The following UBN2 variants were observed in gnomAD, a reference collection of about 807,000 sequenced individuals.
UBN2 encodes ubinuclein 2, also known as ubinuclein-2.
Under a neutral mutation model 120.2 loss-of-function variants are expected in UBN2, and 35 were observed. The ratio of observed to expected loss-of-function variants is 0.29; its 90% CI spans 0.22 to 0.39. UBN2 has a LOEUF of 0.39. Among genes scored for constraint, UBN2 ranks in the 10% least tolerant of loss-of-function variants. UBN2 has a pLI of 1.00. For missense variants in UBN2, 1,693 were observed against 1,663.2 expected (o/e 1.02, Z -0.31); for synonymous variants, 661 against 648.7 (o/e 1.02, Z -0.29).
rs1199206987 is a variant in UBN2, at chr7:139,293,881, CCT to C, written c.3902-4_3902-3del. ...TAAAGATGACTGACAAGTCTGTTTT[CCT>C]CTCAGATTTACTAAAGGGTTTACAG... On this transcript the variant is annotated splice_region_variant and splice_polypyrimidine_tract_variant and intron_variant, in intron 16 of 17. Coordinates refer to ENST00000473989, the MANE Select transcript of UBN2 (RefSeq NM_173569.4). 1 of 1,613,262 alleles carries C rather than the reference CCT, an allele frequency of 6.2e-7. No individual in the cohort carries two copies. The highest frequency in any genetic ancestry group is 8.5e-7 in the Non-Finnish European group (1 of 1,179,282).
rs1324344009 is a variant in UBN2, at chr7:139,307,051, A to C, written c.*9215A>C. 6.6e-6 allele frequency: 1 copy of C among 152,196 alleles called. No homozygotes were observed. Among genetic ancestry groups the C allele is most frequent in the East Asian group, 1.9e-4 (1 of 5,202 alleles). The allele number at this position is 152,196 out of a possible 1,614,324, so 9.4% of individuals were successfully genotyped here. A position where few individuals can be genotyped will look rare whatever the true frequency, so the allele number is the denominator to read the frequency against. On this transcript the variant is annotated 3_prime_UTR_variant, in exon 18 of 18. Coordinates refer to ENST00000473989, the MANE Select transcript of UBN2 (RefSeq NM_173569.4). ...GACTTGTTTGGTAGCCCAAGGAAAA[A>C]CAGGATGTATTTATACAGTGAATGT...
At position 139,272,418 on chromosome 7, in the gene UBN2, C is replaced by T. The variant is rs1355944262; in HGVS notation, c.1693C>T (p.Arg565Cys). 1.9e-6 allele frequency: 3 copies of T among 1,613,008 alleles called. No individual in the cohort carries two copies. Among genetic ancestry groups the T allele is most frequent in the African/African-American group, 2.7e-5 (2 of 74,902 alleles). ...TAAATACCAGGAGGACTGCCAGGCT[C>T]GTAGTCAAGCTAAGTGTGCCAAGTA... ...LFKYQEDCQA[R>C]SQAKCAKLQT... Residue 565 changes from arginine to cysteine, a missense_variant, in exon 9 of 18, where the codon CGT becomes TGT. Physicochemically the swap from Arg to Cys is radical, Grantham distance 180 (BLOSUM62 -3). Around this residue, in one of 5 missense-constraint regions of UBN2, gnomAD observed 178 missense variants for 204.0 expected, o/e 0.87. Transcript: ENST00000473989.
chr7:139,252,534 A>G (rs1368545327), intron 3 of UBN2, among the ~76,000 whole-genome samples: 1 of 152,084 alleles, frequency 6.6e-6, no homozygotes, highest in Non-Finnish European at 1.5e-5. Flanking sequence ...TTTTTTTCCA[A>G]TAATTTTTAA....
At chr7:139,272,549 C>T (rs1296366288) in intron 9 of UBN2, 109 bp downstream of exon 9, 4 of 719,714 alleles carry the variant, frequency 5.6e-6, no homozygotes, top group African/African-American at 4.9e-5. Flanking sequence ...TATTTTGAGA[C>T]GGAATCTCAG....
chr7:139,244,458 G>T (rs183924189), intron 2 of UBN2, among the ~76,000 whole-genome samples: 1 of 152,100 alleles, frequency 6.6e-6, no homozygotes, highest in Non-Finnish European at 1.5e-5. Context: ...AATGTCTTGA[G>T]CCTAGGAGTT....
intron 2 of UBN2, 90 bp from the exon 3 acceptor site, chr7:139,251,864 CAA>C: frequency 7.9e-7 from 1 of 1,269,344 alleles, no homozygotes; most frequent in South Asian, 1.2e-5. Flanking sequence ...GGACTATCTG[CAA>C]AAATTATTTG....
chr7:139,241,681 C>G (rs1796322335), intron 2 of UBN2, among the ~76,000 whole-genome samples: 1 of 151,944 alleles, frequency 6.6e-6, no homozygotes, highest in Non-Finnish European at 1.5e-5. Context: ...TTTCTTGAGA[C>G]CCTGTCTCTA....
intron 2 of UBN2, among the ~76,000 whole-genome samples, chr7:139,238,650 G>A (rs1173592863): frequency 6.6e-6 from 1 of 152,168 alleles, no homozygotes; most frequent in Non-Finnish European, 1.5e-5. Flanking sequence ...TCGAACTCCT[G>A]ACCTCAACTG....
intron 2 of UBN2, among the ~76,000 whole-genome samples, chr7:139,244,153 G>A (rs1796397468): frequency 6.6e-6 from 1 of 152,066 alleles, no homozygotes. Flanking sequence ...TGTGTATGTG[G>A]GCAGTCACAT....
At position 139,305,745 on chromosome 7, in the gene UBN2, G is replaced by A. The variant is rs1030515384; in HGVS notation, c.*7909G>A. 6.6e-6 allele frequency: 1 copy of A among 152,038 alleles called. No individual in the cohort carries two copies. Among genetic ancestry groups the A allele is most frequent in the Non-Finnish European group, 1.5e-5 (1 of 67,988 alleles). 9.4% of individuals were successfully genotyped at this position (152,038 alleles called of 1,614,324 possible). ...ATCAGTGGTCATCACTGGGACTAGA[G>A]GTGTTCTTTTTTTTCCTCTTCTCCT... On this transcript the variant is annotated 3_prime_UTR_variant, in exon 18 of 18. Coordinates refer to ENST00000473989, the MANE Select transcript of UBN2 (RefSeq NM_173569.4).
chr7:139,265,361 C>G (rs1361604421), intron 6 of UBN2, among the ~76,000 whole-genome samples: 1 of 151,980 alleles, frequency 6.6e-6, no homozygotes, highest in East Asian at 1.9e-4. Flanking sequence ...ACCTGTAGTC[C>G]CAGCTACTTG....
At chr7:139,297,541 TC>T (rs1186751276) in intron 17 of UBN2, among the ~76,000 whole-genome samples, 1 of 152,206 alleles carries the variant, frequency 6.6e-6, no homozygotes, top group Non-Finnish European at 1.5e-5. Context: ...CTTGTTGAAA[TC>T]ATATTTAAAA....
Position 139,298,370 on chromosome 7 carries a change from C to T in UBN2, c.*534C>T, listed in dbSNP as rs916688201. ...TCCGATAGACAGTAGCTGCATAGCA[C>T]ACCCTCGAAAATCCTGAACAAACTT... On this transcript the variant is annotated 3_prime_UTR_variant, in exon 18 of 18. Transcript: ENST00000473989. 6.5e-6 allele frequency: 1 copy of T among 152,734 alleles called. No individual in the cohort carries two copies. The highest frequency in any genetic ancestry group is 1.5e-5 in the Non-Finnish European group (1 of 68,450). The allele number at this position is 152,734 out of a possible 1,614,324, so 9.5% of individuals were successfully genotyped here.
At chr7:139,269,077 C>T (rs554827563) in intron 7 of UBN2, among the ~76,000 whole-genome samples, 5 of 152,060 alleles carry the variant, frequency 3.3e-5, no homozygotes, top group Admixed American at 1.3e-4. Flanking sequence ...GGCATGGTGG[C>T]GGGTGCCTGT....
At chr7:139,318,292 GT>G in the UBN2 span, among the ~76,000 whole-genome samples, 2 of 152,322 alleles carry the variant, frequency 1.3e-5, no homozygotes, top group East Asian at 3.9e-4. Context: ...GCTTTTGCAA[GT>G]GGGCTGGGAG....
At chr7:139,270,515 C>G (rs1797242036) in intron 8 of UBN2, among the ~76,000 whole-genome samples, 1 of 151,974 alleles carries the variant, frequency 6.6e-6, no homozygotes, top group African/African-American at 2.4e-5. Flanking sequence ...GTGATCCGCC[C>G]AGCTTGGCCT....
At position 139,293,935 on chromosome 7, in the gene UBN2, G is replaced by C; in HGVS notation, c.3948G>C (p.Thr1316=). 6.2e-7 allele frequency: 1 copy of C among 1,614,070 alleles called. No individual in the cohort carries two copies. The highest frequency in any genetic ancestry group is 2.2e-5 in the East Asian group (1 of 44,874). ...CAGGAGGAGCTCAGCATGCAGCAACGCTTTCCCACTCACCTCTGCCTGCAC... is the reference window on the plus strand; with the variant it reads ...CAGGAGGAGCTCAGCATGCAGCAACCCTTTCCCACTCACCTCTGCCTGCAC... ...LQPGGAQHAA[T]LSHSPLPAHL... Residue 1316 remains threonine, a synonymous_variant, in exon 17 of 18, where the codon ACG becomes ACC. Transcript: ENST00000473989.
intron 2 of UBN2, among the ~76,000 whole-genome samples, chr7:139,239,548 T>G (rs1796256241): frequency 6.9e-6 from 1 of 144,894 alleles, no homozygotes; most frequent in South Asian, 2.2e-4. Context: ...TATATTAGAG[T>G]GTCTTTTTTT....
chr7:139,327,650 C>T, the UBN2 span, among the ~76,000 whole-genome samples: 1 of 152,200 alleles, frequency 6.6e-6, no homozygotes, highest in Admixed American at 6.5e-5. Flanking sequence ...CACCTCCCAA[C>T]ACTTGCACTG....
Sources: gnomAD v4.1 joint callset for allele counts (sites outside exome capture counted in the v4.1 genomes callset) on GRCh38, gnomAD v4.1.1 for gene constraint, gnomAD v4.1.1 regional missense constraint, MANE v1.5 for transcripts, NCBI Gene and HGNC (gene_info 2026-07-23, HGNC 2026-07-21) for gene names.